Variants in CEP170 observed in about 807,000 individuals in gnomAD.
CEP170 encodes the protein centrosomal protein 170, also known as centrosomal protein of 170 kDa.
Under a neutral mutation model 151.9 loss-of-function variants are expected in CEP170, and 21 were observed. That is an observed-to-expected ratio of 0.14 (90% CI 0.10 to 0.20). The LOEUF is 0.20. Ranked by LOEUF, CEP170 falls within the 10% of genes least tolerant of loss-of-function variation. The pLI is 1.00. For missense variants in CEP170, 964 were observed against 1,892.9 expected (o/e 0.51, Z 9.11); for synonymous variants, 356 against 648.8 (o/e 0.55, Z 6.86).
intron 1 of CEP170, among the ~76,000 whole-genome samples, chr1:243,236,312 C>T (rs1201853864): frequency 3.3e-5 from 5 of 152,192 alleles, no homozygotes; most frequent in South Asian, 2.1e-4. Context: ...AAATATACCT[C>T]GAAATGATGC....
At chr1:243,144,119 A>G in intron 14 of CEP170, among the ~76,000 whole-genome samples, 1 of 152,236 alleles carries the variant, frequency 6.6e-6, no homozygotes, top group Non-Finnish European at 1.5e-5. Flanking sequence ...TAAGTCCTAA[A>G]GACTACAGCA....
chr1:243,180,692 T>C (rs1456180580), intron 10 of CEP170, among the ~76,000 whole-genome samples: 1 of 152,214 alleles, frequency 6.6e-6, no homozygotes, highest in Non-Finnish European at 1.5e-5. Flanking sequence ...TAAATCTTGC[T>C]GTGACTTTCA....
At chr1:243,250,293 CA>C (rs975342820) in intron 1 of CEP170, among the ~76,000 whole-genome samples, 1 of 152,070 alleles carries the variant, frequency 6.6e-6, no homozygotes, top group Admixed American at 6.6e-5. Context: ...TTATAAATGT[CA>C]AAAAGCCAGG....
intron 15 of CEP170, among the ~76,000 whole-genome samples, chr1:243,141,824 A>G (rs1357548151): frequency 2.0e-5 from 3 of 152,180 alleles, no homozygotes; most frequent in South Asian, 2.1e-4. Context: ...ATGTATTTCA[A>G]TTTTTCAAAA....
chr1:243,254,829 C>A (rs927803132), intron 1 of CEP170, among the ~76,000 whole-genome samples: 1 of 151,656 alleles, frequency 6.6e-6, no homozygotes, highest in Non-Finnish European at 1.5e-5. Context: ...TCCCGTCAAG[C>A]CCCGGGTCCC....
At chr1:243,172,035 G>A (rs560504725) in intron 11 of CEP170, among the ~76,000 whole-genome samples, 11 of 152,184 alleles carry the variant, frequency 7.2e-5, no homozygotes, top group African/African-American at 2.2e-4. Context: ...CAGTGCCCTC[G>A]TACATGTTTC....
At chr1:243,160,417 T>C (rs1295181950) in intron 13 of CEP170, among the ~76,000 whole-genome samples, 1 of 152,114 alleles carries the variant, frequency 6.6e-6, no homozygotes, top group Non-Finnish European at 1.5e-5. Flanking sequence ...ACAAAATTTA[T>C]TTTTTAATTA....
intron 1 of CEP170, among the ~76,000 whole-genome samples, chr1:243,242,996 G>A (rs771830572): frequency 3.3e-5 from 5 of 152,202 alleles, no homozygotes; most frequent in African/African-American, 9.6e-5. Context: ...CACTGCGCCC[G>A]GTCCTAAATT....
intron 1 of CEP170, among the ~76,000 whole-genome samples, chr1:243,232,684 T>C (rs545989948): frequency 6.6e-6 from 1 of 152,084 alleles, no homozygotes; most frequent in Admixed American, 6.5e-5. Context: ...CACATAAAGA[T>C]AAAACAAACA....
intron 1 of CEP170, among the ~76,000 whole-genome samples, chr1:243,246,412 A>G (rs1179889951): frequency 6.6e-6 from 1 of 151,766 alleles, no homozygotes; most frequent in Non-Finnish European, 1.5e-5. Flanking sequence ...TTGTATTTTT[A>G]GTAGAGACAG....
chr1:243,197,224 AAGG>A (rs2060715735), intron 7 of CEP170, among the ~76,000 whole-genome samples: 1 of 152,106 alleles, frequency 6.6e-6, no homozygotes, highest in Admixed American at 6.6e-5. Flanking sequence ...TTAGACAGAC[AAGG>A]TGAAGGGAAG....
intron 1 of CEP170, among the ~76,000 whole-genome samples, chr1:243,231,394 G>A (rs1039980899): frequency 1.3e-5 from 2 of 151,778 alleles, no homozygotes; most frequent in Non-Finnish European, 2.9e-5. Flanking sequence ...ACTGATAAAG[G>A]TATCTATAAA....
intron 2 of CEP170, among the ~76,000 whole-genome samples, chr1:243,223,617 T>C (rs2062996211): frequency 6.6e-6 from 1 of 152,172 alleles, no homozygotes; most frequent in Non-Finnish European, 1.5e-5. Flanking sequence ...CAGAGCACAC[T>C]TAAGACCTAA....
At position 243,200,671 on chromosome 1, in the gene CEP170, A is replaced by G. The variant is rs2060971025; in HGVS notation, c.343T>C (p.Phe115Leu). Residue 115 changes from phenylalanine (F) to leucine (L), a missense_variant, in exon 6 of 20, where the codon TTT (phenylalanine) becomes CTT (leucine). Transcript: ENST00000366542. ...VPEEALKHEK[F>L]TIQLQLSQKS... is the part of the protein sequence containing the mutation. Reference sequence around the variant, plus strand: ...TGGGACAACTGAAGCTGAATGGTAAACTTCTCATGCTATAAAACATTTAAA... The same window carrying G: ...TGGGACAACTGAAGCTGAATGGTAAGCTTCTCATGCTATAAAACATTTAAA... 1 of 1,528,606 alleles carries G rather than the reference A, an allele frequency of 6.5e-7. No individual in the cohort carries two copies. The highest frequency in any genetic ancestry group is 1.3e-5 in the South Asian group (1 of 77,708). 94.7% of individuals were successfully genotyped at this position (1,528,606 alleles called of 1,614,324 possible).
rs551911531 is a variant in CEP170 at position 243,247,995 on chromosome 1, C to T, written c.-42+7045G>A. 4.6e-5 allele frequency among the ~76,000 whole-genome samples: 7 copies of T among 152,326 alleles called. No homozygotes were observed. The South Asian group carries it at 1.2e-3, about 27-fold the overall frequency. ...CTTCCTATGAAACAGCATCGCTTCT[C>T]CTGTTCAAACATCAGAGGCAGCAGC... On this transcript the variant is annotated intron_variant, in intron 1 of 19. Transcript: ENST00000366542.
At chr1:243,230,076 C>T (rs949388864) in intron 1 of CEP170, among the ~76,000 whole-genome samples, 18 of 152,114 alleles carry the variant, frequency 1.2e-4, no homozygotes, top group Admixed American at 4.6e-4. Context: ...TCTCACCGGG[C>T]ATGGTAGCCC....
At chr1:243,184,604 AC>A (rs1233954748) in intron 10 of CEP170, among the ~76,000 whole-genome samples, 8 of 152,158 alleles carry the variant, frequency 5.3e-5, no homozygotes, top group African/African-American at 1.9e-4. Flanking sequence ...TAGAAATTAT[AC>A]GTACTCTCTT....
At chr1:243,189,512 C>T (rs141141923) in intron 8 of CEP170, among the ~76,000 whole-genome samples, 6,577 of 147,320 alleles carry the variant, frequency 0.045, 300 homozygotes, top group African/African-American at 0.12. Flanking sequence ...GCCGAGATCG[C>T]GCCACTGCAC....
At position 243,186,638 on chromosome 1, in the gene CEP170, T is replaced by A; in HGVS notation, c.1109-216A>T. On this transcript the variant is annotated intron_variant, in intron 8 of 19. Coordinates refer to ENST00000366542, the MANE Select transcript of CEP170 (RefSeq NM_014812.3). ...ATGAGGTCCTTTATAAACAACTGAATAGGATCGCCTTTCTCCAAATTTTAA... is the reference window on the plus strand; with the variant it reads ...ATGAGGTCCTTTATAAACAACTGAAAAGGATCGCCTTTCTCCAAATTTTAA... 4 of 518,038 alleles carry A rather than the reference T, an allele frequency of 7.7e-6. No homozygotes were observed. In the South Asian group the frequency reaches 1.4e-4, roughly 18 times the overall value. 32.1% of individuals were successfully genotyped at this position (518,038 alleles called of 1,614,324 possible). A position where few individuals can be genotyped will look rare whatever the true frequency, so the allele number is the denominator to read the frequency against.
Sources: allele counts gnomAD v4.1 joint callset (sites outside exome capture counted in the v4.1 genomes callset), GRCh38; gene constraint gnomAD v4.1.1; transcripts MANE v1.5; gene names NCBI Gene and HGNC (gene_info 2026-07-23, HGNC 2026-07-21).